The following ANXA4 variants were observed in gnomAD, a reference collection of about 807,000 sequenced individuals.
ANXA4 encodes the protein annexin A4.
Under a neutral mutation model 49.8 loss-of-function variants are expected in ANXA4, and 39 were observed. The ratio of observed to expected loss-of-function variants is 0.78; its 90% CI spans 0.61 to 1.02. The LOEUF (loss-of-function observed/expected upper bound fraction) is 1.02, where lower values mean the gene tolerates loss of function less well. Among genes scored for constraint, ANXA4 ranks in the 50% least tolerant of loss-of-function variants. The probability of loss-of-function intolerance (pLI) is 0.00; values close to 1 mark genes in which losing one functional copy is unlikely to be tolerated. For synonymous variants in ANXA4, 134 were observed against 152.5 expected (o/e 0.88, Z 0.89); for missense variants, 360 against 410.1 (o/e 0.88, Z 1.05).
intron 12 of ANXA4, among the ~76,000 whole-genome samples, chr2:69,823,275 ACAC>A (rs1261402960): frequency 4.0e-5 from 6 of 151,450 alleles, no homozygotes; most frequent in Non-Finnish European, 8.8e-5. Flanking sequence ...ATACACACAC[ACAC>A]CACTAGAAAA....
At chr2:69,646,900 C>T (rs1201467348) in intron 1 of ANXA4, among the ~76,000 whole-genome samples, 1 of 152,156 alleles carries the variant, frequency 6.6e-6, no homozygotes, top group Non-Finnish European at 1.5e-5. Flanking sequence ...ATTTCAGTAA[C>T]ATCCTAGTAA....
intron 12 of ANXA4, among the ~76,000 whole-genome samples, chr2:69,824,816 C>G (rs1048725135): frequency 1.1e-4 from 17 of 151,974 alleles, no homozygotes; most frequent in African/African-American, 3.9e-4. Flanking sequence ...AATCCCAGCA[C>G]TTTTTGGGAG....
At chr2:69,762,333 C>A (rs146291407) in intron 1 of ANXA4, among the ~76,000 whole-genome samples, 208 of 151,512 alleles carry the variant, frequency 1.4e-3, no homozygotes, top group African/African-American at 4.7e-3. Context: ...CTGCACTGAG[C>A]TATGATAGTG....
chr2:69,718,840 G>GCA (rs753950828), intron 2 of ANXA4, among the ~76,000 whole-genome samples: 1 of 151,688 alleles, frequency 6.6e-6, no homozygotes, highest in Non-Finnish European at 1.5e-5. Context: ...ACATATACAT[G>GCA]CACACACATA....
At chr2:69,812,787 A>G (rs1030228455) in intron 8 of ANXA4, 78 bp downstream of exon 8, 1 of 1,233,568 alleles carries the variant, frequency 8.1e-7, no homozygotes, top group South Asian at 1.2e-5. Flanking sequence ...GTGGATAGCA[A>G]CTTATATTAC....
intron 2 of ANXA4, among the ~76,000 whole-genome samples, chr2:69,702,556 TA>T (rs146175459): frequency 0.14 from 21,620 of 151,384 alleles, 2,200 homozygotes; most frequent in East Asian, 0.37. Flanking sequence ...ACCTCATCTC[TA>T]AAAAAAATTA....
Position 69,775,768 on chromosome 2 carries a change from G to A in ANXA4, c.-46-5752G>A. 1.3e-5 allele frequency among the ~76,000 whole-genome samples: 2 copies of A among 152,118 alleles called. 1 individual carries two copies. Among genetic ancestry groups the A allele is most frequent in the Non-Finnish European group, 2.9e-5 (2 of 68,014 alleles). On this transcript the variant is annotated intron_variant, in intron 1 of 12. Transcript: ENST00000394295. ...CATTTTTAGCCTTAAAATGAGGAAG[G>A]GTAACTGTAGGTTGGACTTTAAGTC...
intron 12 of ANXA4, among the ~76,000 whole-genome samples, chr2:69,822,038 C>T (rs779461166): frequency 1.8e-4 from 27 of 152,106 alleles, no homozygotes; most frequent in East Asian, 3.9e-4. Flanking sequence ...CAGTCTGTTA[C>T]GAAACTTTAA....
rs1194736472 is a variant in ANXA4, at chr2:69,656,335, GTA to G, written n.766+3061_766+3062del. ...TATGTATATATATGTATATATATGT[GTA>G]TATATATGTGTATATATGTGTATAT... is the stretch of plus-strand genomic sequence containing the variant. On this transcript the variant is annotated intron_variant and non_coding_transcript_variant, in intron 2 of 3. Coordinates refer to the ANXA4 transcript ENST00000418066. Among the ~76,000 whole-genome samples the G allele has an allele frequency of 5.2e-4, 48 of 92,068 alleles. 1 individual carries two copies. Among genetic ancestry groups the G allele is most frequent in the East Asian group, 2.1e-3 (3 of 1,408 alleles). 60.4% of individuals were successfully genotyped at this position (92,068 alleles called of 152,430 possible).
rs571860767 is a variant in ANXA4 at position 69,722,558 on chromosome 2, G to A, written n.864+1687G>A. On this transcript the variant is annotated intron_variant and non_coding_transcript_variant, in intron 3 of 3. Transcript: ENST00000418066. The stretch of plus-strand genomic sequence containing the variant: ...TATGATTCTACTTGTATAAAATATC[G>A]GGAACAGGCAAATTCATAGAGACAG... Among the ~76,000 whole-genome samples the A allele has an allele frequency of 6.6e-5, 10 of 151,790 alleles. No homozygotes were observed. In the East Asian group the frequency reaches 1.4e-3, roughly 21 times the overall value.
chr2:69,667,020 T>G (rs1338310960), intron 2 of ANXA4, among the ~76,000 whole-genome samples: 1 of 152,016 alleles, frequency 6.6e-6, no homozygotes, highest in Admixed American at 6.6e-5. Context: ...CACTTCAGCC[T>G]GGCCGATAGA....
chr2:69,682,461 C>T (rs115767037), intron 2 of ANXA4, among the ~76,000 whole-genome samples: 2,218 of 152,180 alleles, frequency 0.015, 21 homozygotes, highest in Non-Finnish European at 0.021. Flanking sequence ...TACCCTTTTA[C>T]ATGTTTACAG....
chr2:69,771,094 C>CAAAA (rs1169928879), intron 1 of ANXA4, among the ~76,000 whole-genome samples: 13 of 41,968 alleles, frequency 3.1e-4, no homozygotes, highest in East Asian at 9.6e-4. Flanking sequence ...ACCCTGTCTC[C>CAAAA]AAAAAAAAAA....
At chr2:69,657,478 C>T (rs796173208) in intron 2 of ANXA4, among the ~76,000 whole-genome samples, 4 of 151,242 alleles carry the variant, frequency 2.6e-5, no homozygotes, top group African/African-American at 9.9e-5. Flanking sequence ...ACCACATATT[C>T]GATGGACTAT....
chr2:69,812,147 A>G (rs1489246949), intron 7 of ANXA4, among the ~76,000 whole-genome samples: 5 of 147,280 alleles, frequency 3.4e-5, no homozygotes, highest in African/African-American at 1.3e-4. Flanking sequence ...TTTAAGATTC[A>G]AGGTCTTGCT....
chr2:69,810,830 A>T, intron 7 of ANXA4, 157 bp downstream of exon 7: 3 of 620,394 alleles, frequency 4.8e-6, no homozygotes, highest in South Asian at 2.0e-5. Context: ...TCCTTCAGAG[A>T]CTCTGGCTAA....
At chr2:69,705,072 G>T (rs1292561243) in intron 2 of ANXA4, among the ~76,000 whole-genome samples, 1 of 152,044 alleles carries the variant, frequency 6.6e-6, no homozygotes, top group African/African-American at 2.4e-5. Context: ...GATCACTGGA[G>T]GCCAGGAATT....
At chr2:69,657,860 A>T (rs1676563202) in intron 2 of ANXA4, among the ~76,000 whole-genome samples, 2 of 152,316 alleles carry the variant, frequency 1.3e-5, no homozygotes, top group South Asian at 2.1e-4. Context: ...GGATTTAAAA[A>T]TTTTTGTTCA....
Position 69,759,947 on chromosome 2 carries a change from C to G in ANXA4, c.-47+17772C>G, listed in dbSNP as rs540780581. 3.3e-5 allele frequency among the ~76,000 whole-genome samples: 5 copies of G among 152,248 alleles called. No homozygotes were observed. In the East Asian group the frequency reaches 9.6e-4, roughly 29 times the overall value. On this transcript the variant is annotated intron_variant, in intron 1 of 12. Coordinates refer to ENST00000394295, the MANE Select transcript of ANXA4 (RefSeq NM_001153.5). Reference sequence around the variant, plus strand: ...TCCTGGGTTCACGCCATTCTCCTGCCTCAGCCTCCCGAGTAGCTGGGACTA... The same window carrying G: ...TCCTGGGTTCACGCCATTCTCCTGCGTCAGCCTCCCGAGTAGCTGGGACTA...
Sources: allele counts gnomAD v4.1 joint callset (sites outside exome capture counted in the v4.1 genomes callset), GRCh38; gene constraint gnomAD v4.1.1; transcripts MANE v1.5; gene names NCBI Gene and HGNC (gene_info 2026-07-23, HGNC 2026-07-21).